The following CD38 variants were observed in gnomAD, a reference collection of about 807,000 sequenced individuals.
CD38 encodes the protein ADP-ribosyl cyclase/cyclic ADP-ribose hydrolase 1.
In CD38, 31 loss-of-function variants were observed where a neutral mutation model predicts 36.3. The ratio of observed to expected loss-of-function variants is 0.85; its 90% CI spans 0.64 to 1.15. The LOEUF (loss-of-function observed/expected upper bound fraction) is 1.15, where lower values mean the gene tolerates loss of function less well. Ranked by LOEUF, CD38 falls within the 50% of genes most tolerant of loss-of-function variation. The probability of loss-of-function intolerance (pLI) is 0.00; values close to 1 mark genes in which losing one functional copy is unlikely to be tolerated. For missense variants in CD38, 380 were observed against 371.9 expected (o/e 1.02, Z -0.18); for synonymous variants, 131 against 135.2 (o/e 0.97, Z 0.22).
intron 3 of CD38, chr4:15,825,248 T>G: frequency 4.5e-6 from 2 of 446,862 alleles, no homozygotes; most frequent in Non-Finnish European, 8.0e-6. Flanking sequence ...GTACAAGAAG[T>G]AGGGTACCAG....
intron 1 of CD38, among the ~76,000 whole-genome samples, chr4:15,790,594 C>T (rs1262018302): frequency 6.6e-6 from 1 of 152,064 alleles, no homozygotes; most frequent in Admixed American, 6.5e-5. Flanking sequence ...TGCCCGGCCG[C>T]CACCCCGTCT....
intron 1 of CD38, among the ~76,000 whole-genome samples, chr4:15,806,240 C>A (rs755439340): frequency 2.6e-5 from 4 of 152,168 alleles, no homozygotes; most frequent in Non-Finnish European, 5.9e-5. Flanking sequence ...AATAACTGTG[C>A]CCTATTCTGG....
At chr4:15,814,848 C>T (rs1401700508) in intron 1 of CD38, among the ~76,000 whole-genome samples, 1 of 151,192 alleles carries the variant, frequency 6.6e-6, no homozygotes, top group East Asian at 1.9e-4. Context: ...GCTCTGTTAC[C>T]CAGGCTGGAG....
rs933112301 is a variant in CD38, at chr4:15,852,647, T to C, written c.*4045T>C. The C allele has an allele frequency of 6.6e-6, 1 of 152,220 alleles. No homozygotes were observed. The highest frequency in any genetic ancestry group is 2.1e-4 in the South Asian group (1 of 4,834). 9.4% of individuals were successfully genotyped at this position (152,220 alleles called of 1,614,324 possible). Reference sequence around the variant, plus strand: ...AATAACAGAGCAATTAATTTACTTTTACTATGAAGAGTCATCATTTTAGTA... The same window carrying C: ...AATAACAGAGCAATTAATTTACTTTCACTATGAAGAGTCATCATTTTAGTA... On this transcript the variant is annotated 3_prime_UTR_variant, in exon 8 of 8. Transcript: ENST00000226279.
chr4:15,791,051 G>C (rs866053682), intron 1 of CD38, among the ~76,000 whole-genome samples: 14 of 137,668 alleles, frequency 1.0e-4, no homozygotes, highest in Admixed American at 6.8e-4. Context: ...AGGTGGGGGG[G>C]GGTCAGCCCC....
In CD38 at chr4:15,849,453, G is replaced by A. The variant is rs976585827; in HGVS notation, c.*851G>A. ...ATTCTCTTCCAACAAATGCATATTGGATTAAATTGACTAGAATGGAATCTG... is the reference window on the plus strand; with the variant it reads ...ATTCTCTTCCAACAAATGCATATTGAATTAAATTGACTAGAATGGAATCTG... On this transcript the variant is annotated 3_prime_UTR_variant, in exon 8 of 8. Transcript: ENST00000226279. 6.6e-6 allele frequency: 1 copy of A among 152,116 alleles called. No individual in the cohort carries two copies. Among genetic ancestry groups the A allele is most frequent in the South Asian group, 2.1e-4 (1 of 4,832 alleles). 9.4% of individuals were successfully genotyped at this position (152,116 alleles called of 1,614,324 possible). A position where few individuals can be genotyped will look rare whatever the true frequency, so the allele number is the denominator to read the frequency against.
chr4:15,830,693 C>T (rs1723941791), intron 3 of CD38, among the ~76,000 whole-genome samples: 3 of 151,962 alleles, frequency 2.0e-5, no homozygotes, highest in Admixed American at 2.0e-4. Flanking sequence ...GAGAGTTTCC[C>T]CAGTGGTTTC....
intron 1 of CD38, among the ~76,000 whole-genome samples, chr4:15,799,582 TTTA>T (rs942670152): frequency 6.6e-6 from 1 of 152,238 alleles, no homozygotes; most frequent in African/African-American, 2.4e-5. Context: ...CTTGTTCCTT[TTTA>T]TTATTGGGTC....
rs535471449 is a variant in CD38 at position 15,851,882 on chromosome 4, A to C, written c.*3280A>C. 2 of 152,358 alleles carry C rather than the reference A, an allele frequency of 1.3e-5. No homozygotes were observed. The highest frequency in any genetic ancestry group is 1.3e-4 in the Admixed American group (2 of 15,304). The allele number at this position is 152,358 out of a possible 1,614,324, so 9.4% of individuals were successfully genotyped here. On this transcript the variant is annotated 3_prime_UTR_variant, in exon 8 of 8. Coordinates refer to ENST00000226279, the MANE Select transcript of CD38 (RefSeq NM_001775.4). ...GTATCACCTATTCCTCCTAGGCTACAAGCCTGTACAGCGTGTGTCTGTACT... is the reference window on the plus strand; with the variant it reads ...GTATCACCTATTCCTCCTAGGCTACCAGCCTGTACAGCGTGTGTCTGTACT...
intron 2 of CD38, 49 bp from the exon 3 acceptor site, chr4:15,824,832 T>G: frequency 2.7e-6 from 4 of 1,477,080 alleles, no homozygotes; most frequent in Non-Finnish European, 3.7e-6. Flanking sequence ...TAATTTTTTT[T>G]GACATGCTAA....
chr4:15,786,177 C>T (rs946487080), intron 1 of CD38, among the ~76,000 whole-genome samples: 1 of 152,214 alleles, frequency 6.6e-6, no homozygotes, highest in Admixed American at 6.5e-5. Flanking sequence ...ACAAAGCTTC[C>T]CCAGTGTAGA....
intron 1 of CD38, among the ~76,000 whole-genome samples, chr4:15,808,141 T>C (rs1479641872): frequency 6.6e-6 from 1 of 152,182 alleles, no homozygotes; most frequent in East Asian, 1.9e-4. Context: ...TCTGTGATTC[T>C]TGTGACTAGG....
At chr4:15,806,428 G>C (rs1324772538) in intron 1 of CD38, among the ~76,000 whole-genome samples, 1 of 152,222 alleles carries the variant, frequency 6.6e-6, no homozygotes, top group Non-Finnish European at 1.5e-5. Context: ...TCTGCCACTT[G>C]GACAAGGTGA....
chr4:15,814,221 T>C (rs960482356), intron 1 of CD38, among the ~76,000 whole-genome samples: 4 of 152,272 alleles, frequency 2.6e-5, no homozygotes, highest in Non-Finnish European at 4.4e-5. Context: ...TTTTTTCATA[T>C]GTTTGCTGGG....
At chr4:15,811,859 T>G (rs1447566264) in intron 1 of CD38, among the ~76,000 whole-genome samples, 1 of 152,218 alleles carries the variant, frequency 6.6e-6, no homozygotes, top group Non-Finnish European at 1.5e-5. Flanking sequence ...CAACTGGAAG[T>G]ACTTTAAACA....
At chr4:15,838,515 C>CCTCCCCTG (rs1254481679) in intron 5 of CD38, among the ~76,000 whole-genome samples, 2 of 152,130 alleles carry the variant, frequency 1.3e-5, no homozygotes, top group Non-Finnish European at 2.9e-5. Flanking sequence ...ATATGACCTG[C>CCTCCCCTG]CTCCCCTGCT....
Position 15,850,513 on chromosome 4 carries a change from A to T in CD38, c.*1911A>T, listed in dbSNP as rs1724361072. 6.6e-6 allele frequency: 1 copy of T among 152,192 alleles called. No individual in the cohort carries two copies. The highest frequency in any genetic ancestry group is 6.5e-5 in the Admixed American group (1 of 15,280). The allele number at this position is 152,192 out of a possible 1,614,324, so 9.4% of individuals were successfully genotyped here. A position where few individuals can be genotyped will look rare whatever the true frequency, so the allele number is the denominator to read the frequency against. On this transcript the variant is annotated 3_prime_UTR_variant, in exon 8 of 8. Coordinates refer to ENST00000226279, the MANE Select transcript of CD38 (RefSeq NM_001775.4). ...CAACTTCCTTGCCACTCAAATAAGG[A>T]TTACAAAACTTAAAATGTGGTAAGT... is the stretch of plus-strand genomic sequence containing the variant.
intron 1 of CD38, among the ~76,000 whole-genome samples, chr4:15,816,289 A>G (rs1415813933): frequency 6.6e-6 from 1 of 152,150 alleles, no homozygotes; most frequent in Non-Finnish European, 1.5e-5. Context: ...AAAATGACTT[A>G]TGGAGGAGTC....
chr4:15,784,646 G>A (rs935922980), intron 1 of CD38, among the ~76,000 whole-genome samples: 3 of 152,168 alleles, frequency 2.0e-5, no homozygotes, highest in Non-Finnish European at 2.9e-5. Context: ...TGTCCTCACT[G>A]AGACCATGAG....
Sources: gnomAD v4.1 joint callset for allele counts (sites outside exome capture counted in the v4.1 genomes callset) on GRCh38, gnomAD v4.1.1 for gene constraint, MANE v1.5 for transcripts, NCBI Gene and HGNC (gene_info 2026-07-23, HGNC 2026-07-21) for gene names.